Variants in ANO2 observed in about 807,000 individuals in gnomAD.
ANO2 encodes the protein anoctamin-2.
ANO2 carries 101 observed loss-of-function variants against 124.2 expected under a neutral mutation model. That is an observed-to-expected ratio of 0.81 (90% CI 0.69 to 0.96). The LOEUF is 0.96. Ranked by LOEUF, ANO2 falls within the 40% of genes least tolerant of loss-of-function variation. The pLI, the probability that ANO2 is intolerant of heterozygous loss-of-function variation, is 0.00. For missense variants in ANO2, 1,293 were observed against 1,274.5 expected (o/e 1.01, Z -0.22); for synonymous variants, 486 against 482.5 (o/e 1.01, Z -0.09).
intron 20 of ANO2, among the ~76,000 whole-genome samples, chr12:5,589,587 G>C (rs116168299): frequency 2.6e-5 from 4 of 152,042 alleles, no homozygotes; most frequent in Non-Finnish European, 4.4e-5. Context: ...ATGCCCTGGC[G>C]GGGGGGTGCT....
intron 14 of ANO2, among the ~76,000 whole-genome samples, chr12:5,677,099 A>G (rs1481715226): frequency 6.6e-6 from 1 of 151,000 alleles, no homozygotes; most frequent in Non-Finnish European, 1.5e-5. Context: ...AGCTTCAGGC[A>G]TAAGAGAAGA....
In ANO2 at chr12:5,658,951, C is replaced by T. The variant is rs1487132410; in HGVS notation, c.1546-11150G>A. ...ATCATTGCTTTATCCACCAGGGACC[C>T]TGTGGCCCCAACTGATAAGGAAACC... On this transcript the variant is annotated intron_variant, in intron 14 of 24. Transcript: ENST00000682330. This position sits in a 1 kb window ranked among gnomAD's most constrained non-coding sequence, Gnocchi z 4.3. Among the ~76,000 whole-genome samples the T allele has an allele frequency of 6.6e-6, 1 of 152,176 alleles. No homozygotes were observed. Among genetic ancestry groups the T allele is most frequent in the African/African-American group, 2.4e-5 (1 of 41,434 alleles).
chr12:5,877,968 T>C (rs755977655), intron 3 of ANO2, among the ~76,000 whole-genome samples: 19 of 152,320 alleles, frequency 1.2e-4, no homozygotes, highest in Non-Finnish European at 2.4e-4. Flanking sequence ...GCAGCTCACC[T>C]CCACTACCGG....
chr12:5,575,875 C>T lies in ANO2; in HGVS notation c.2580G>A (p.Gln860=). 1 of 1,613,924 alleles carries T rather than the reference C, an allele frequency of 6.2e-7. No individual in the cohort carries two copies. The highest frequency in any genetic ancestry group is 8.5e-7 in the Non-Finnish European group (1 of 1,179,872). ...FNVSQLKEGT[Q]PENSQFDQEV... is the part of the protein sequence containing the mutation. Reference sequence around the variant, plus strand: ...CCTGGTCAAACTGTGAGTTTTCTGGCTGCGTCCCCTCCTTCAGCTGGCTGA... The same window carrying T: ...CCTGGTCAAACTGTGAGTTTTCTGGTTGCGTCCCCTCCTTCAGCTGGCTGA... Residue 860 remains glutamine (Q), a synonymous_variant, in exon 23 of 25, where the codon CAG becomes CAA. Coordinates refer to ENST00000682330, the MANE Select transcript of ANO2 (RefSeq NM_001364791.2).
chr12:5,665,043 G>A (rs96745), intron 14 of ANO2, among the ~76,000 whole-genome samples: 60,080 of 151,724 alleles, frequency 0.4, 13,078 homozygotes, highest in African/African-American at 0.55. Context: ...GCAGCAAATA[G>A]TGATTTGACC....
In ANO2 at chr12:5,744,199, T is replaced by C; in HGVS notation, c.1309A>G (p.Asn437Asp). 1 of 1,613,110 alleles carries C rather than the reference T, an allele frequency of 6.2e-7. No individual in the cohort carries two copies. The highest frequency in any genetic ancestry group is 8.5e-7 in the Non-Finnish European group (1 of 1,179,872). Residue 437 changes from asparagine (N) to aspartate (D), a missense_variant, in exon 12 of 25, where the codon AAC becomes GAC. Physicochemically the swap from Asn to Asp is conservative, Grantham distance 23 (BLOSUM62 1). Transcript: ENST00000682330. ...ATAGAGAAGAAGACGGTGGCAGGGT[T>C]GTCAAACAGGTGGCTGGCCTGCGCG... is the stretch of plus-strand genomic sequence containing the variant. ...GTAQASHLFDNPATVFFSIFM... is the reference protein window; with the variant it reads ...GTAQASHLFDDPATVFFSIFM...
intron 3 of ANO2, among the ~76,000 whole-genome samples, chr12:5,906,361 AAAG>A (rs1940686662): frequency 6.6e-6 from 1 of 150,416 alleles, no homozygotes; most frequent in African/African-American, 2.5e-5. Context: ...AAAAAAAAAA[AAAG>A]AAAAAGAAAA....
At chr12:5,597,470 C>T (rs10849301) in intron 20 of ANO2, among the ~76,000 whole-genome samples, 50,373 of 152,080 alleles carry the variant, frequency 0.33, 8,509 homozygotes, top group Admixed American at 0.4. Flanking sequence ...CAGTGTACTA[C>T]GTTTTCTTTA....
At chr12:5,788,555 C>CTTTTGT (rs1011693634) in intron 10 of ANO2, among the ~76,000 whole-genome samples, 65 of 151,956 alleles carry the variant, frequency 4.3e-4, no homozygotes, top group Non-Finnish European at 7.2e-4. Context: ...ATATGTTTGT[C>CTTTTGT]TTTTGTTTTT....
intron 3 of ANO2, among the ~76,000 whole-genome samples, chr12:5,894,865 C>A (rs1369340543): frequency 1.4e-4 from 22 of 152,122 alleles, no homozygotes; most frequent in Non-Finnish European, 1.5e-5. Context: ...TGTTTTGGTA[C>A]CAATACCATG....
intron 3 of ANO2, among the ~76,000 whole-genome samples, chr12:5,901,663 A>G (rs929357559): frequency 1.3e-5 from 2 of 152,186 alleles, no homozygotes; most frequent in African/African-American, 4.8e-5. Flanking sequence ...GCAGGAGACG[A>G]GAGATGGAGG....
Position 5,814,181 on chromosome 12 carries a change from C to A in ANO2, c.893-6813G>T, listed in dbSNP as rs116471064. ...TTGCAGTGACCTCTCTATCTTTCTG[C>A]AGGTCTAGGGATGATAAGAGCTCTA... is the stretch of plus-strand genomic sequence containing the variant. On this transcript the variant is annotated intron_variant, in intron 7 of 24. Transcript: ENST00000682330. Among the ~76,000 whole-genome samples, 692 of 152,336 alleles carry A rather than the reference C, an allele frequency of 4.5e-3. 5 individuals carry two copies. The highest frequency in any genetic ancestry group is 0.016 in the African/African-American group (665 of 41,580).
intron 14 of ANO2, among the ~76,000 whole-genome samples, chr12:5,668,908 C>T (rs556973298): frequency 7.2e-5 from 11 of 152,208 alleles, no homozygotes; most frequent in Admixed American, 4.6e-4. Flanking sequence ...GGTCTGTGTG[C>T]CTTTTTTTGT....
intron 23 of ANO2, among the ~76,000 whole-genome samples, chr12:5,572,123 C>G (rs1421947465): frequency 6.6e-6 from 1 of 152,172 alleles, no homozygotes; most frequent in Admixed American, 6.5e-5. Flanking sequence ...GAAACCCCTA[C>G]AGTGGTACCC....
At chr12:5,834,396 T>C (rs1954251782) in intron 4 of ANO2, among the ~76,000 whole-genome samples, 2 of 152,104 alleles carry the variant, frequency 1.3e-5, no homozygotes, top group Admixed American at 1.3e-4. Flanking sequence ...GCACCTGAAA[T>C]ACTCACTAAG....
At chr12:5,944,616 T>C (rs1943021344) in intron 1 of ANO2, among the ~76,000 whole-genome samples, 2 of 152,150 alleles carry the variant, frequency 1.3e-5, no homozygotes, top group Admixed American at 6.5e-5. Context: ...CTAAGAAAAG[T>C]CCCTCGGGAA....
intron 24 of ANO2, 120 bp from the exon 25 acceptor site, chr12:5,563,688 G>C (rs1173025816): frequency 7.7e-7 from 1 of 1,290,752 alleles, no homozygotes; most frequent in Non-Finnish European, 1.1e-6. Context: ...CCCAGTGATC[G>C]CAACCAGTGA....
intron 16 of ANO2, among the ~76,000 whole-genome samples, chr12:5,625,069 C>T (rs907239614): frequency 7.9e-5 from 12 of 152,114 alleles, no homozygotes; most frequent in Middle Eastern, 3.4e-3. Context: ...AGAGGAAGGC[C>T]GGAGAGTAAA....
chr12:5,623,054 G>A (rs1473447621), intron 16 of ANO2, among the ~76,000 whole-genome samples: 1 of 152,076 alleles, frequency 6.6e-6, no homozygotes, highest in Non-Finnish European at 1.5e-5. Flanking sequence ...AGGTGGGGTG[G>A]GGTGACATCT....
Sources: gnomAD v4.1 joint callset for allele counts (sites outside exome capture counted in the v4.1 genomes callset) on GRCh38, gnomAD v4.1.1 for gene constraint, Gnocchi (gnomAD v3.1) non-coding constraint, MANE v1.5 for transcripts, NCBI Gene and HGNC (gene_info 2026-07-23, HGNC 2026-07-21) for gene names.